Variants in RPS6KC1 observed in about 807,000 individuals in gnomAD.
RPS6KC1 encodes the protein inactive ribosomal protein S6 kinase delta-1.
A neutral mutation model predicts 103.8 loss-of-function variants in RPS6KC1; 54 were observed. The ratio of observed to expected loss-of-function variants is 0.52; its 90% CI spans 0.42 to 0.65. The LOEUF is 0.65. Among genes scored for constraint, RPS6KC1 ranks in the 30% least tolerant of loss-of-function variants. The probability of loss-of-function intolerance (pLI) is 0.00; values close to 1 mark genes in which losing one functional copy is unlikely to be tolerated. For synonymous variants in RPS6KC1, 439 were observed against 438.7 expected (o/e 1.00, Z -0.01); for missense variants, 1,151 against 1,253.8 (o/e 0.92, Z 1.24).
the RPS6KC1 span, among the ~76,000 whole-genome samples, chr1:213,474,934 T>C: frequency 1.3e-5 from 2 of 152,318 alleles, no homozygotes; most frequent in South Asian, 4.1e-4. Context: ...AGACCCTGGA[T>C]ACAAGAGAGT....
chr1:213,210,785 T>G (rs2093482714), intron 8 of RPS6KC1, among the ~76,000 whole-genome samples: 1 of 152,240 alleles, frequency 6.6e-6, no homozygotes. Context: ...TTCCTTGCCC[T>G]TGAGGCATTT....
chr1:213,366,428 C>G, the RPS6KC1 span, among the ~76,000 whole-genome samples: 2 of 152,318 alleles, frequency 1.3e-5, no homozygotes, highest in South Asian at 4.1e-4. Flanking sequence ...GAAATCAAAG[C>G]AAAGGTGGAT....
chr1:213,829,826 A>G, the RPS6KC1 span, among the ~76,000 whole-genome samples: 1 of 152,246 alleles, frequency 6.6e-6, no homozygotes, highest in Non-Finnish European at 1.5e-5. Flanking sequence ...TGCTCAGTTT[A>G]TATACTCAGA....
At chr1:213,848,479 T>C in the RPS6KC1 span, among the ~76,000 whole-genome samples, 1 of 152,158 alleles carries the variant, frequency 6.6e-6, no homozygotes, top group Non-Finnish European at 1.5e-5. Context: ...CAGTAATTCA[T>C]TCTTTACTAT....
chr1:213,305,159 A>C, the RPS6KC1 span, among the ~76,000 whole-genome samples: 5 of 152,044 alleles, frequency 3.3e-5, no homozygotes, highest in African/African-American at 9.7e-5. Flanking sequence ...ATCTCAGCTC[A>C]CTGCAATCTC....
chr1:213,830,280 T>C, the RPS6KC1 span, among the ~76,000 whole-genome samples: 1 of 152,212 alleles, frequency 6.6e-6, no homozygotes, highest in African/African-American at 2.4e-5. Flanking sequence ...AAAAACATAC[T>C]GGGCGGGTCA....
the RPS6KC1 span, among the ~76,000 whole-genome samples, chr1:213,342,141 G>C: frequency 6.6e-6 from 1 of 152,166 alleles, no homozygotes; most frequent in East Asian, 1.9e-4. Flanking sequence ...GGTGGGATGT[G>C]GATGTGAAGG....
chr1:213,599,306 T>C, the RPS6KC1 span, among the ~76,000 whole-genome samples: 3 of 151,676 alleles, frequency 2.0e-5, no homozygotes, highest in African/African-American at 7.3e-5. Flanking sequence ...GTTGAGGGGG[T>C]CTCTGTTTTC....
the RPS6KC1 span, among the ~76,000 whole-genome samples, chr1:213,770,428 A>T: frequency 6.6e-6 from 1 of 152,216 alleles, no homozygotes; most frequent in Non-Finnish European, 1.5e-5. Flanking sequence ...GAAAATAAGT[A>T]ATGTTGTCTC....
chr1:213,711,644 G>T, the RPS6KC1 span, among the ~76,000 whole-genome samples: 1 of 152,174 alleles, frequency 6.6e-6, no homozygotes, highest in African/African-American at 2.4e-5. Context: ...TCATCTTCAT[G>T]GATTTATCTA....
chr1:213,214,222 A>G (rs1355380619), intron 8 of RPS6KC1, among the ~76,000 whole-genome samples: 1 of 152,280 alleles, frequency 6.6e-6, no homozygotes, highest in Non-Finnish European at 1.5e-5. Context: ...GCACACCAGA[A>G]GATTATATCC....
chr1:213,084,362 C>G (rs937288541), intron 3 of RPS6KC1, among the ~76,000 whole-genome samples: 1 of 152,084 alleles, frequency 6.6e-6, no homozygotes, highest in African/African-American at 2.4e-5. Flanking sequence ...CTCGACTTCC[C>G]AGACTGAAGT....
chr1:213,774,877 C>T, the RPS6KC1 span, among the ~76,000 whole-genome samples: 4 of 152,222 alleles, frequency 2.6e-5, no homozygotes, highest in Non-Finnish European at 5.9e-5. Flanking sequence ...GAGCAGGAGG[C>T]AGCCCGCACT....
At chr1:213,073,850 AT>A (rs1476474308) in intron 2 of RPS6KC1, among the ~76,000 whole-genome samples, 1 of 151,902 alleles carries the variant, frequency 6.6e-6, no homozygotes, top group Admixed American at 6.6e-5. Flanking sequence ...TGATTTTTGT[AT>A]TTTTAGTAGA....
At chr1:213,568,644 C>T in the RPS6KC1 span, among the ~76,000 whole-genome samples, 15 of 152,322 alleles carry the variant, frequency 9.8e-5, no homozygotes, top group South Asian at 2.9e-3. Context: ...TTAACTGTAA[C>T]TCTCTGCAGT....
chr1:213,164,072 G>GT (rs1204782653), intron 6 of RPS6KC1, among the ~76,000 whole-genome samples: 2 of 152,204 alleles, frequency 1.3e-5, no homozygotes, highest in African/African-American at 2.4e-5. Flanking sequence ...GAAGTATGGT[G>GT]TAAGACATGG....
At chr1:213,382,784 C>T in the RPS6KC1 span, among the ~76,000 whole-genome samples, 7 of 152,298 alleles carry the variant, frequency 4.6e-5, no homozygotes, top group African/African-American at 1.7e-4. Flanking sequence ...GACACCCGTT[C>T]GAGCCATTTT....
the RPS6KC1 span, among the ~76,000 whole-genome samples, chr1:213,652,622 C>A: frequency 6.6e-6 from 1 of 152,194 alleles, no homozygotes; most frequent in African/African-American, 2.4e-5. Flanking sequence ...TTAGGCTTTG[C>A]GGCTTCTGGT....
At chr1:213,830,145 A>G in the RPS6KC1 span, among the ~76,000 whole-genome samples, 1 of 152,110 alleles carries the variant, frequency 6.6e-6, no homozygotes, top group Non-Finnish European at 1.5e-5. Context: ...TTAAGCCCCA[A>G]TTACTTCATG....
Sources: allele counts gnomAD v4.1 joint callset (sites outside exome capture counted in the v4.1 genomes callset), GRCh38; gene constraint gnomAD v4.1.1; transcripts MANE v1.5; gene names NCBI Gene and HGNC (gene_info 2026-07-23, HGNC 2026-07-21).